The following NPAS3 variants were observed in gnomAD, a reference collection of about 807,000 sequenced individuals.
NPAS3 encodes neuronal PAS domain protein 3, also known as neuronal PAS domain-containing protein 3.
NPAS3 carries 14 observed loss-of-function variants against 73.1 expected under a neutral mutation model. The ratio of observed to expected loss-of-function variants is 0.19; its 90% CI spans 0.13 to 0.30. NPAS3 has a LOEUF of 0.30. NPAS3 is among the 10% of genes least tolerant of loss of function. NPAS3 has a pLI of 1.00. For missense variants in NPAS3, 1,096 were observed against 1,250.0 expected, an observed-to-expected ratio of 0.88 and a Z score of 1.86; for synonymous variants, 620 against 541.5, an observed-to-expected ratio of 1.14 and a Z score of -2.01.
At chr14:33,363,463 A>G (rs1313068544) in intron 3 of NPAS3, among the ~76,000 whole-genome samples, 3 of 152,232 alleles carry the variant, frequency 2.0e-5, no homozygotes, top group African/African-American at 7.2e-5. Context: ...TCATCGGATC[A>G]TTTTGGATTT....
intron 7 of NPAS3, among the ~76,000 whole-genome samples, chr14:33,761,651 T>G (rs2062294768): frequency 6.6e-6 from 1 of 152,148 alleles, no homozygotes; most frequent in African/African-American, 2.4e-5. Flanking sequence ...AAATTTGAAA[T>G]GTGGATGGAG....
At chr14:33,007,787 G>T (rs1387778306) in intron 1 of NPAS3, among the ~76,000 whole-genome samples, 1 of 152,166 alleles carries the variant, frequency 6.6e-6, no homozygotes, top group Non-Finnish European at 1.5e-5. Flanking sequence ...GGCTTTGAGG[G>T]CCATATGGTC....
At chr14:33,771,554 G>A (rs771750802) in intron 7 of NPAS3, among the ~76,000 whole-genome samples, 1 of 152,152 alleles carries the variant, frequency 6.6e-6, no homozygotes, top group Non-Finnish European at 1.5e-5. Context: ...GCTCATGCTT[G>A]TAATCCCAGC....
chr14:32,998,206 A>G (rs117716055), intron 1 of NPAS3, among the ~76,000 whole-genome samples: 2 of 152,368 alleles, frequency 1.3e-5, no homozygotes, highest in East Asian at 3.9e-4. Context: ...ATAAAAAGGT[A>G]TGAAGTACTG....
rs200196477 is a variant in NPAS3, at chr14:33,235,401, T to G, written c.385+19975T>G. Among the ~76,000 whole-genome samples, 8 of 152,222 alleles carry G rather than the reference T, an allele frequency of 5.3e-5. No homozygotes were observed. In the East Asian group the frequency reaches 1.5e-3, roughly 29 times the overall value. On this transcript the variant is annotated intron_variant, in intron 3 of 11. Transcript: ENST00000356141. ...TTTATGGCTTTCCTTTTTTTTCAGC[T>G]AAAAATCTGTAACTAGCAGGTTAAG...
chr14:33,321,214 A>T (rs1406624447), intron 3 of NPAS3, among the ~76,000 whole-genome samples: 2 of 152,194 alleles, frequency 1.3e-5, no homozygotes, highest in African/African-American at 4.8e-5. Flanking sequence ...ATTAGAGCCC[A>T]TTCTGCTTAA....
At chr14:33,013,754 G>A (rs988154801) in intron 1 of NPAS3, among the ~76,000 whole-genome samples, 1 of 152,070 alleles carries the variant, frequency 6.6e-6, no homozygotes, top group East Asian at 1.9e-4. Flanking sequence ...ATTAATGGAT[G>A]TTTAATCTGA....
At chr14:33,319,249 C>G (rs144682535) in intron 3 of NPAS3, among the ~76,000 whole-genome samples, 1 of 152,122 alleles carries the variant, frequency 6.6e-6, no homozygotes, top group Non-Finnish European at 1.5e-5. Flanking sequence ...TAGGCAGGAG[C>G]TAACACAGTG....
chr14:33,772,651 G>A (rs2062691400), intron 7 of NPAS3, among the ~76,000 whole-genome samples: 1 of 152,178 alleles, frequency 6.6e-6, no homozygotes, highest in Non-Finnish European at 1.5e-5. Context: ...AAGCCTAGCT[G>A]GGAGGAGGAC....
chr14:33,035,350 A>G (rs1293585662), intron 1 of NPAS3, among the ~76,000 whole-genome samples: 1 of 152,240 alleles, frequency 6.6e-6, no homozygotes, highest in Middle Eastern at 3.4e-3. Context: ...TTTGGAGGAT[A>G]GTAGCCTCAC....
chr14:33,297,483 CCT>C (rs1555370016), intron 3 of NPAS3, among the ~76,000 whole-genome samples: 1 of 152,036 alleles, frequency 6.6e-6, no homozygotes, highest in Non-Finnish European at 1.5e-5. Flanking sequence ...GCTGTATCTC[CCT>C]GTTACTCTCA....
At chr14:33,111,515 ACT>A (rs1299651076) in intron 2 of NPAS3, among the ~76,000 whole-genome samples, 1 of 152,000 alleles carries the variant, frequency 6.6e-6, no homozygotes, top group Non-Finnish European at 1.5e-5. Flanking sequence ...ATCCCCAGGA[ACT>A]CTATTCCATT....
intron 2 of NPAS3, among the ~76,000 whole-genome samples, chr14:33,058,125 T>TTA (rs1555330124): frequency 1.4e-5 from 2 of 145,306 alleles, no homozygotes. Context: ...AAATGTATTG[T>TTA]AAAAAAAAAA....
chr14:33,746,171 TTTTATTTATTTA>T (rs528860081), intron 7 of NPAS3, among the ~76,000 whole-genome samples: 8 of 144,458 alleles, frequency 5.5e-5, no homozygotes, highest in East Asian at 3.9e-4. Flanking sequence ...TTTTATTTTA[TTTTATTTATTTA>T]TTTATTTATT....
chr14:33,669,340 G>A (rs1346711036), intron 5 of NPAS3, among the ~76,000 whole-genome samples: 1 of 152,084 alleles, frequency 6.6e-6, no homozygotes, highest in Non-Finnish European at 1.5e-5. Flanking sequence ...TCAAAACTAT[G>A]GGAACCTTGT....
chr14:33,412,035 G>C (rs1329936996), intron 4 of NPAS3, among the ~76,000 whole-genome samples: 4 of 152,142 alleles, frequency 2.6e-5, no homozygotes, highest in Non-Finnish European at 4.4e-5. Context: ...TTGACTATGT[G>C]TCTGCATAGC....
At chr14:33,655,497 T>C (rs754049675) in intron 5 of NPAS3, among the ~76,000 whole-genome samples, 1 of 152,214 alleles carries the variant, frequency 6.6e-6, no homozygotes, top group Non-Finnish European at 1.5e-5. Flanking sequence ...AGCACTTTTC[T>C]ACTATTCTTG....
intron 2 of NPAS3, among the ~76,000 whole-genome samples, chr14:33,099,325 A>G (rs1437742365): frequency 2.0e-5 from 3 of 152,232 alleles, no homozygotes; most frequent in Non-Finnish European, 4.4e-5. Context: ...TGGACATCTT[A>G]ATACTATGGT....
intron 3 of NPAS3, among the ~76,000 whole-genome samples, chr14:33,295,207 C>G (rs1428883154): frequency 1.3e-5 from 2 of 151,998 alleles, no homozygotes; most frequent in Non-Finnish European, 2.9e-5. Flanking sequence ...ATGGAGCGTC[C>G]CCAAATTAGC....
Sources: allele counts gnomAD v4.1 joint callset (sites outside exome capture counted in the v4.1 genomes callset), GRCh38; gene constraint gnomAD v4.1.1; transcripts MANE v1.5; gene names NCBI Gene and HGNC (gene_info 2026-07-23, HGNC 2026-07-21).